Variants in RIPOR3 observed in about 807,000 individuals in gnomAD.
The protein encoded by RIPOR3 is family with sequence similarity 65 member C.
In RIPOR3, 95 loss-of-function variants were observed where a neutral mutation model predicts 114.3. The ratio of observed to expected loss-of-function variants is 0.83; its 90% CI spans 0.70 to 0.99. RIPOR3 has a LOEUF of 0.99. Ranked by LOEUF, RIPOR3 falls within the 50% of genes least tolerant of loss-of-function variation. The probability of loss-of-function intolerance (pLI) is 0.00; values close to 1 mark genes in which losing one functional copy is unlikely to be tolerated. For missense variants in RIPOR3, 1,252 were observed against 1,266.9 expected (o/e 0.99, Z 0.18); for synonymous variants, 575 against 543.8 (o/e 1.06, Z -0.80).
At chr20:50,679,230 A>G (rs1490246959) in intron 1 of RIPOR3, among the ~76,000 whole-genome samples, 3 of 146,488 alleles carry the variant, frequency 2.0e-5, no homozygotes, top group Admixed American at 6.9e-5. Context: ...TATATATAAT[A>G]TTTAAAAATA....
chr20:50,683,363 A>G (rs1218750492), intron 1 of RIPOR3, among the ~76,000 whole-genome samples: 3 of 151,906 alleles, frequency 2.0e-5, no homozygotes, highest in Non-Finnish European at 4.4e-5. Context: ...CTATAAAGAG[A>G]TTGTTAGATG....
intron 1 of RIPOR3, among the ~76,000 whole-genome samples, chr20:50,642,705 T>TCCCTCTCACCCTCTGCCC (rs1189797608): frequency 1.4e-4 from 21 of 150,130 alleles, no homozygotes; most frequent in African/African-American, 5.2e-4. Flanking sequence ...AATCTCTGCC[T>TCCCTCTCACCCTCTGCCC]CCCTCTCACC....
intron 1 of RIPOR3, chr20:50,636,841 AACCTGCAATTTC>A: frequency 1.0e-6 from 1 of 985,434 alleles, no homozygotes; most frequent in Non-Finnish European, 1.2e-6. Flanking sequence ...AGCCAGAGGG[AACCTGCAATTTC>A]ACCTCATTTA....
intron 1 of RIPOR3, among the ~76,000 whole-genome samples, chr20:50,679,671 A>T (rs904776086): frequency 5.3e-5 from 8 of 149,670 alleles, no homozygotes; most frequent in Non-Finnish European, 7.4e-5. Context: ...CGGGAGGCTG[A>T]GGCAGGAGAA....
At chr20:50,612,109 A>G (rs1359928955) in intron 4 of RIPOR3, among the ~76,000 whole-genome samples, 1 of 148,778 alleles carries the variant, frequency 6.7e-6, no homozygotes, top group Non-Finnish European at 1.5e-5. Context: ...TGGGTGACAG[A>G]GCGAGACTCC....
chr20:50,632,506 G>C (rs573074470), intron 1 of RIPOR3, among the ~76,000 whole-genome samples: 1 of 152,206 alleles, frequency 6.6e-6, no homozygotes, highest in Non-Finnish European at 1.5e-5. Flanking sequence ...CTTCTAGCCC[G>C]GATGGAGGAA....
At chr20:50,588,009 C>T in intron 20 of RIPOR3, 117 bp from the exon 21 acceptor site, 1 of 919,120 alleles carries the variant, frequency 1.1e-6, no homozygotes, top group Non-Finnish European at 1.6e-6. Context: ...TCAGCCCCTT[C>T]CTTTTCTCCA....
chr20:50,595,890 C>T (rs1295101595), intron 15 of RIPOR3, among the ~76,000 whole-genome samples: 1 of 152,206 alleles, frequency 6.6e-6, no homozygotes, highest in Non-Finnish European at 1.5e-5. Context: ...CATTAGGGTT[C>T]TGGCACCTAT....
At chr20:50,636,560 AGAGT>A in intron 1 of RIPOR3, 6 of 985,600 alleles carry the variant, frequency 6.1e-6, no homozygotes, top group Non-Finnish European at 7.2e-6. Context: ...AGGGAGGCAC[AGAGT>A]CATGCAGTTC....
chr20:50,617,232 T>G (rs1483342681), intron 3 of RIPOR3, among the ~76,000 whole-genome samples: 1 of 152,056 alleles, frequency 6.6e-6, no homozygotes, highest in East Asian at 1.9e-4. Flanking sequence ...GGAAGGTCAC[T>G]CACACTCTCT....
intron 12 of RIPOR3, among the ~76,000 whole-genome samples, chr20:50,604,049 G>A (rs370748661): frequency 1.3e-5 from 2 of 152,236 alleles, no homozygotes; most frequent in East Asian, 1.9e-4. Context: ...AGATGTGGTG[G>A]CGTGTGCCTG....
intron 1 of RIPOR3, among the ~76,000 whole-genome samples, chr20:50,639,210 C>G (rs1450804034): frequency 2.0e-5 from 3 of 151,588 alleles, no homozygotes; most frequent in Non-Finnish European, 4.4e-5. Flanking sequence ...CCACTGCACT[C>G]TAGCCTGGGT....
chr20:50,684,064 G>A (rs1364681657), intron 1 of RIPOR3, among the ~76,000 whole-genome samples: 2 of 151,912 alleles, frequency 1.3e-5, no homozygotes, highest in Non-Finnish European at 2.9e-5. Flanking sequence ...CTGGGCGACA[G>A]TGTGAGGCTC....
chr20:50,688,165 T>C (rs1201736298), intron 1 of RIPOR3, among the ~76,000 whole-genome samples: 1 of 152,218 alleles, frequency 6.6e-6, no homozygotes, highest in Non-Finnish European at 1.5e-5. Flanking sequence ...ATTTTTATTT[T>C]TTTGAGACAG....
chr20:50,609,057 C>T (rs2083847503), intron 8 of RIPOR3, 102 bp from the exon 9 acceptor site: 1 of 1,498,878 alleles, frequency 6.7e-7, no homozygotes, highest in Non-Finnish European at 9.1e-7. Context: ...TTTTCAGTTT[C>T]AGTGGGGTGA....
intron 1 of RIPOR3, among the ~76,000 whole-genome samples, chr20:50,681,837 C>G (rs1340449055): frequency 6.6e-6 from 1 of 152,236 alleles, no homozygotes; most frequent in African/African-American, 2.4e-5. Context: ...AGGCTTGCCT[C>G]TCCTGCAGGA....
chr20:50,655,440 C>G (rs2085775735), intron 1 of RIPOR3, among the ~76,000 whole-genome samples: 2 of 152,204 alleles, frequency 1.3e-5, no homozygotes, highest in Non-Finnish European at 2.9e-5. Context: ...AGTTACCAAG[C>G]AATCCTAAGT....
At chr20:50,673,950 G>A (rs2086606890) in intron 1 of RIPOR3, among the ~76,000 whole-genome samples, 1 of 152,188 alleles carries the variant, frequency 6.6e-6, no homozygotes, top group African/African-American at 2.4e-5. Flanking sequence ...GTTACCAGAT[G>A]TCAGGCATGA....
intron 3 of RIPOR3, among the ~76,000 whole-genome samples, chr20:50,619,213 A>C (rs1339286622): frequency 6.6e-6 from 1 of 151,998 alleles, no homozygotes; most frequent in African/African-American, 2.4e-5. Context: ...CGGAGGTTGC[A>C]GTGAGCTGAG....
Sources: allele counts gnomAD v4.1 joint callset (sites outside exome capture counted in the v4.1 genomes callset), GRCh38; gene constraint gnomAD v4.1.1; transcripts MANE v1.5; gene names NCBI Gene and HGNC (gene_info 2026-07-23, HGNC 2026-07-21).